SEPTIN9: variants seen among roughly 807,000 people sequenced by gnomAD.
SEPTIN9 encodes the protein septin 9.
A neutral mutation model predicts 56.6 loss-of-function variants in SEPTIN9; 13 were observed. The observed-to-expected ratio is 0.23, with a 90% CI of 0.15 to 0.37. SEPTIN9 has a LOEUF of 0.37. Ranked by LOEUF, SEPTIN9 falls within the 10% of genes least tolerant of loss-of-function variation. The probability of loss-of-function intolerance (pLI) is 1.00; values close to 1 mark genes in which losing one functional copy is unlikely to be tolerated. For synonymous variants in SEPTIN9, 332 were observed against 334.1 expected, an observed-to-expected ratio of 0.99 and a Z score of 0.07; for missense variants, 650 against 823.1, an observed-to-expected ratio of 0.79 and a Z score of 2.57.
At chr17:77,342,005 C>A (rs989259435) in intron 2 of SEPTIN9, among the ~76,000 whole-genome samples, 1 of 150,940 alleles carries the variant, frequency 6.6e-6, no homozygotes, top group African/African-American at 2.4e-5. Flanking sequence ...ATGGCGTGAA[C>A]CCGGGAGGCG....
At chr17:77,490,601 G>A in intron 7 of SEPTIN9, 141 bp from the exon 8 acceptor site, 1 of 686,110 alleles carries the variant, frequency 1.5e-6, no homozygotes, top group Admixed American at 2.1e-5. Context: ...GGCCGACTCG[G>A]CCCGGGGCCC....
At chr17:77,308,432 C>T (rs73367413) in intron 2 of SEPTIN9, among the ~76,000 whole-genome samples, 198 of 152,388 alleles carry the variant, frequency 1.3e-3, no homozygotes, top group African/African-American at 4.4e-3. Context: ...AGACCAGCTC[C>T]GTCTAATAGA....
At position 77,289,763 on chromosome 17, in the gene SEPTIN9, C is replaced by T. The variant is rs116531792; in HGVS notation, c.19+8209C>T. On this transcript the variant is annotated intron_variant, in intron 1 of 11. Transcript: ENST00000427177. The stretch of plus-strand genomic sequence containing the variant: ...TAAGGAAAGCAATCTAAACTGTACA[C>T]TGTATCTTTTCTTTCTCTTTTGCTT... Among the ~76,000 whole-genome samples, 146 of 152,216 alleles carry T rather than the reference C, an allele frequency of 9.6e-4. 1 individual carries two copies. Among genetic ancestry groups the T allele is most frequent in the African/African-American group, 3.5e-3 (145 of 41,508 alleles).
chr17:77,306,306 A>G (rs76553368), intron 1 of SEPTIN9, among the ~76,000 whole-genome samples: 5,891 of 152,228 alleles, frequency 0.039, 167 homozygotes, highest in Middle Eastern at 0.15. Flanking sequence ...AGCTCTCTGA[A>G]GGGTGGCTGT....
In SEPTIN9 at chr17:77,453,886, C is replaced by T. The variant is rs1271620195; in HGVS notation, c.722-28258C>T. The T allele has an allele frequency of 5.0e-6, 1 of 199,356 alleles. No individual in the cohort carries two copies. Among genetic ancestry groups the T allele is most frequent in the Non-Finnish European group, 9.0e-6 (1 of 111,228 alleles). The allele number at this position is 199,356 out of a possible 1,614,324, so 12.3% of individuals were successfully genotyped here. A position where few individuals can be genotyped will look rare whatever the true frequency, so the allele number is the denominator to read the frequency against. ...CCTTAGGAGCCCCTTCTCCCTGCCC[C>T]CAGGCCTGGTGCAGTGTGTGGCTTC... On this transcript the variant is annotated intron_variant, in intron 3 of 11. Coordinates refer to ENST00000427177, the MANE Select transcript of SEPTIN9 (RefSeq NM_001113491.2). The surrounding 1 kb of genome is among the most constrained non-coding windows in gnomAD (Gnocchi z 4.4).
chr17:77,424,702 T>C (rs2036835478), intron 3 of SEPTIN9, among the ~76,000 whole-genome samples: 1 of 152,238 alleles, frequency 6.6e-6, no homozygotes, highest in Non-Finnish European at 1.5e-5. Flanking sequence ...TGGCAAGCCA[T>C]TTTATGACTC....
chr17:77,490,613 G>T, intron 7 of SEPTIN9, 129 bp from the exon 8 acceptor site: 1 of 735,024 alleles, frequency 1.4e-6, no homozygotes. Context: ...CCGGGGCCCT[G>T]TCCTTGCCAG....
intron 1 of SEPTIN9, among the ~76,000 whole-genome samples, chr17:77,284,848 T>G (rs1373681103): frequency 6.6e-6 from 1 of 152,182 alleles, no homozygotes; most frequent in Non-Finnish European, 1.5e-5. Flanking sequence ...CAGGCTGATC[T>G]CGAACTCCTG....
chr17:77,352,232 C>T (rs985685577), intron 2 of SEPTIN9, among the ~76,000 whole-genome samples: 1 of 125,080 alleles, frequency 8.0e-6, no homozygotes, highest in Non-Finnish European at 1.6e-5. Context: ...CCCGTCTCTA[C>T]TAAAAATACA....
intron 2 of SEPTIN9, among the ~76,000 whole-genome samples, chr17:77,339,080 T>A (rs917480015): frequency 2.0e-5 from 3 of 152,226 alleles, no homozygotes; most frequent in African/African-American, 4.8e-5. Context: ...CTCTGCTATT[T>A]CCACCACATC....
Position 77,405,436 on chromosome 17 carries a change from C to T in SEPTIN9, c.721+2733C>T, listed in dbSNP as rs1226610405. Reference sequence around the variant, plus strand: ...CCAGGAACCTGGCGCTCTGGGGGGACGGTGGCTTTCTCCATGGAATAGGAT... The same window carrying T: ...CCAGGAACCTGGCGCTCTGGGGGGATGGTGGCTTTCTCCATGGAATAGGAT... On this transcript the variant is annotated intron_variant, in intron 3 of 11. Transcript: ENST00000427177. This position sits in a 1 kb window ranked among gnomAD's most constrained non-coding sequence, Gnocchi z 5.8. Among the ~76,000 whole-genome samples the T allele has an allele frequency of 2.0e-5, 3 of 152,142 alleles. No individual in the cohort carries two copies. The highest frequency in any genetic ancestry group is 4.1e-4 in the South Asian group (2 of 4,828).
chr17:77,356,167 G>A (rs371296871), intron 2 of SEPTIN9, among the ~76,000 whole-genome samples: 8 of 152,168 alleles, frequency 5.3e-5, no homozygotes, highest in Admixed American at 3.3e-4. Flanking sequence ...TTTGGAAGAG[G>A]CGACACTGTG....
chr17:77,497,154 A>G (rs954766704), intron 10 of SEPTIN9, 161 bp from the exon 11 acceptor site: 4 of 723,340 alleles, frequency 5.5e-6, no homozygotes, highest in Non-Finnish European at 1.0e-5. Flanking sequence ...CAGGTGTCCT[A>G]TACTCAGCTG....
At chr17:77,363,374 CCTGT>C (rs2034477718) in intron 2 of SEPTIN9, among the ~76,000 whole-genome samples, 1 of 138,146 alleles carries the variant, frequency 7.2e-6, no homozygotes, top group Non-Finnish European at 1.5e-5. Flanking sequence ...AGGCCTTGGG[CCTGT>C]CTTTTTTTTT....
chr17:77,432,278 G>T (rs528703249), intron 3 of SEPTIN9, among the ~76,000 whole-genome samples: 4 of 152,222 alleles, frequency 2.6e-5, no homozygotes, highest in African/African-American at 9.6e-5. Flanking sequence ...AGAGCAAAGT[G>T]CTTAGAACGG....
Position 77,304,202 on chromosome 17 carries a change from C to T in SEPTIN9, c.20-2939C>T, listed in dbSNP as rs571113744. Among the ~76,000 whole-genome samples the T allele has an allele frequency of 1.3e-5, 2 of 152,336 alleles. 1 individual carries two copies. Among genetic ancestry groups the T allele is most frequent in the African/African-American group, 4.8e-5 (2 of 41,580 alleles). ...TTCCTGGGAACAGCAGTGGCGGCAGCGGCTGCGCTGAGCCTGGCAATTTGT... is the reference window on the plus strand; with the variant it reads ...TTCCTGGGAACAGCAGTGGCGGCAGTGGCTGCGCTGAGCCTGGCAATTTGT... On this transcript the variant is annotated intron_variant, in intron 1 of 11. Coordinates refer to ENST00000427177, the MANE Select transcript of SEPTIN9 (RefSeq NM_001113491.2).
At chr17:77,324,819 A>T (rs1257475167) in intron 2 of SEPTIN9, among the ~76,000 whole-genome samples, 8 of 130,310 alleles carry the variant, frequency 6.1e-5, no homozygotes, top group Admixed American at 2.5e-4. Context: ...TTGATATGCA[A>T]TTTTTTTTTT....
intron 2 of SEPTIN9, among the ~76,000 whole-genome samples, chr17:77,343,019 A>ATCTATCTATC (rs1303039403): frequency 1.3e-5 from 2 of 149,996 alleles, no homozygotes; most frequent in African/African-American, 5.0e-5. Flanking sequence ...CTATCTATCT[A>ATCTATCTATC]TCTATCTATC....
intron 3 of SEPTIN9, among the ~76,000 whole-genome samples, chr17:77,477,375 A>T (rs546422262): frequency 4.6e-5 from 7 of 152,364 alleles, no homozygotes; most frequent in African/African-American, 7.2e-5. Flanking sequence ...CTTATTCTGA[A>T]CATATGACTA....
Sources: allele counts gnomAD v4.1 joint callset (sites outside exome capture counted in the v4.1 genomes callset), GRCh38; gene constraint gnomAD v4.1.1; non-coding constraint Gnocchi (gnomAD v3.1); transcripts MANE v1.5; gene names NCBI Gene and HGNC (gene_info 2026-07-23, HGNC 2026-07-21).